The following KDM4C variants were observed in gnomAD, a reference collection of about 807,000 sequenced individuals.
KDM4C encodes the protein lysine-specific demethylase 4C.
Under a neutral mutation model 129.3 loss-of-function variants are expected in KDM4C, and 81 were observed. The observed-to-expected ratio is 0.63, with a 90% confidence interval of 0.52 to 0.75. The LOEUF (loss-of-function observed/expected upper bound fraction) is 0.75, where lower values mean the gene tolerates loss of function less well. Among genes scored for constraint, KDM4C ranks in the 30% least tolerant of loss-of-function variants. The pLI, the probability that KDM4C is intolerant of heterozygous loss-of-function variation, is 0.00. For synonymous variants in KDM4C, 573 were observed against 456.1 expected (o/e 1.26, Z -3.26); for missense variants, 1,457 against 1,304.0 (o/e 1.12, Z -1.81).
In KDM4C at chr9:7,122,284, CTT is replaced by C. The variant is rs1554751918; in HGVS notation, c.2611-5781_2611-5780del. 2.0e-5 allele frequency among the ~76,000 whole-genome samples: 3 copies of C among 151,784 alleles called. No individual in the cohort carries two copies. In the East Asian group the frequency reaches 5.8e-4, roughly 29 times the overall value. ...ACACACACTCTCTCTCTCTCTCTCTCTTAAACAGCCAGATCCTGTGAGAACTC... is the reference window on the plus strand; with the variant it reads ...ACACACACTCTCTCTCTCTCTCTCTCAAACAGCCAGATCCTGTGAGAACTC... On this transcript the variant is annotated intron_variant, in intron 18 of 21. Coordinates refer to ENST00000381309, the MANE Select transcript of KDM4C (RefSeq NM_015061.6).
At chr9:6,815,507 G>T (rs1205488179) in intron 4 of KDM4C, among the ~76,000 whole-genome samples, 4 of 152,016 alleles carry the variant, frequency 2.6e-5, no homozygotes, top group Admixed American at 6.6e-5. Context: ...GAACCACCAG[G>T]CCTGGCCCAT....
chr9:7,129,444 A>G (rs1361715430), intron 19 of KDM4C, among the ~76,000 whole-genome samples: 1 of 152,214 alleles, frequency 6.6e-6, no homozygotes, highest in East Asian at 1.9e-4. Context: ...CCAGGGTTCT[A>G]GCTGGAGTTT....
chr9:7,073,743 C>G (rs1399762086), intron 17 of KDM4C, among the ~76,000 whole-genome samples: 1 of 152,158 alleles, frequency 6.6e-6, no homozygotes, highest in Non-Finnish European at 1.5e-5. Flanking sequence ...TAAGTTTGAA[C>G]ATATCCTCAC....
intron 4 of KDM4C, among the ~76,000 whole-genome samples, chr9:6,842,972 C>G (rs1346378233): frequency 6.6e-6 from 1 of 152,116 alleles, no homozygotes; most frequent in South Asian, 2.1e-4. Flanking sequence ...CTCTGTTGCC[C>G]GGGCTGGAGT....
At chr9:6,969,999 T>G (rs1012850094) in intron 8 of KDM4C, among the ~76,000 whole-genome samples, 1 of 152,232 alleles carries the variant, frequency 6.6e-6, no homozygotes, top group Non-Finnish European at 1.5e-5. Flanking sequence ...TTGGTGTTGC[T>G]TGGGCCATGT....
At chr9:6,945,609 T>C (rs1053314966) in intron 8 of KDM4C, among the ~76,000 whole-genome samples, 1 of 152,186 alleles carries the variant, frequency 6.6e-6, no homozygotes, top group African/African-American at 2.4e-5. Flanking sequence ...TTTATCAAAA[T>C]AGATGGAATT....
At chr9:6,890,795 C>T (rs1413024169) in intron 7 of KDM4C, among the ~76,000 whole-genome samples, 2 of 152,080 alleles carry the variant, frequency 1.3e-5, no homozygotes, top group African/African-American at 2.4e-5. Flanking sequence ...TGTTTCATTA[C>T]GTAGGATAAG....
intron 6 of KDM4C, among the ~76,000 whole-genome samples, chr9:6,885,507 A>T (rs1845112608): frequency 6.6e-6 from 1 of 152,274 alleles, no homozygotes; most frequent in African/African-American, 2.4e-5. Context: ...TCTCTGGAAT[A>T]CAAGCTTTTT....
At chr9:7,094,305 C>T (rs1383577340) in intron 17 of KDM4C, among the ~76,000 whole-genome samples, 2 of 151,924 alleles carry the variant, frequency 1.3e-5, no homozygotes, top group East Asian at 1.9e-4. Context: ...TTTGTCCATT[C>T]CTTAAGTTGG....
In KDM4C at chr9:6,758,662, A is replaced by T. The variant is rs1378011111; in HGVS notation, c.-18+459A>T. On this transcript the variant is annotated intron_variant, in intron 1 of 21. Coordinates refer to ENST00000381309, the MANE Select transcript of KDM4C (RefSeq NM_015061.6). This position sits in a 1 kb window ranked among gnomAD's most constrained non-coding sequence, Gnocchi z 4.6. ...GAGGGTGGGAGCTCCTCTCCTGACC[A>T]CCCGTTGCAGGCAGTCATCCCGTCA... Among the ~76,000 whole-genome samples the T allele has an allele frequency of 1.3e-5, 2 of 152,010 alleles. No individual in the cohort carries two copies. Among genetic ancestry groups the T allele is most frequent in the African/African-American group, 4.8e-5 (2 of 41,360 alleles).
chr9:7,121,846 G>A (rs566618564), intron 18 of KDM4C, among the ~76,000 whole-genome samples: 1 of 151,356 alleles, frequency 6.6e-6, no homozygotes, highest in South Asian at 2.1e-4. Flanking sequence ...TTAGGCCACT[G>A]CTTGAATTCT....
chr9:6,755,227 T>C (rs755494128), upstream of KDM4C, among the ~76,000 whole-genome samples: 2 of 151,868 alleles, frequency 1.3e-5, no homozygotes, highest in Admixed American at 6.6e-5. Flanking sequence ...AAAAATTAGC[T>C]AGGTGTGGTA....
intron 18 of KDM4C, among the ~76,000 whole-genome samples, chr9:7,104,583 C>A (rs1837467804): frequency 6.7e-6 from 1 of 149,000 alleles, no homozygotes; most frequent in Admixed American, 6.8e-5. Flanking sequence ...TGAAATCTTT[C>A]CTGTGTTTTA....
chr9:6,894,974 A>C (rs969014145), intron 8 of KDM4C, among the ~76,000 whole-genome samples: 1 of 152,246 alleles, frequency 6.6e-6, no homozygotes, highest in African/African-American at 2.4e-5. Flanking sequence ...TCAGTTTAGT[A>C]AGGGCTATGA....
chr9:6,912,198 G>A (rs892416115), intron 8 of KDM4C, among the ~76,000 whole-genome samples: 1 of 152,124 alleles, frequency 6.6e-6, no homozygotes. Context: ...CTCCTTTCCT[G>A]CCATTCTATG....
chr9:6,735,991 G>T (rs1419488375), intron 1 of KDM4C, among the ~76,000 whole-genome samples: 1 of 152,176 alleles, frequency 6.6e-6, no homozygotes, highest in African/African-American at 2.4e-5. Context: ...TGGAAACGCG[G>T]AACTTGCTGG....
rs572651662 is a variant in KDM4C at position 6,829,788 on chromosome 9, G to C, written c.435+15043G>C. On this transcript the variant is annotated intron_variant, in intron 4 of 21. Coordinates refer to ENST00000381309, the MANE Select transcript of KDM4C (RefSeq NM_015061.6). ...CCCTGCAACCCAGCCTTGCCTGCAG[G>C]TTTACAGAAGGGCTTTGATAAGGTA... Among the ~76,000 whole-genome samples the C allele has an allele frequency of 2.0e-5, 3 of 152,330 alleles. No homozygotes were observed. In the East Asian group the frequency reaches 5.8e-4, roughly 29 times the overall value.
intron 7 of KDM4C, among the ~76,000 whole-genome samples, chr9:6,891,431 C>G (rs1171988254): frequency 6.6e-6 from 1 of 152,060 alleles, no homozygotes; most frequent in East Asian, 1.9e-4. Context: ...TTATATGATT[C>G]TATTAATATT....
At chr9:6,744,785 T>A (rs562588088) in intron 1 of KDM4C, among the ~76,000 whole-genome samples, 39 of 150,666 alleles carry the variant, frequency 2.6e-4, no homozygotes, top group African/African-American at 9.6e-4. Context: ...GCTCCAGGGT[T>A]GTGGGGAAGC....
Sources: gnomAD v4.1 joint callset for allele counts (sites outside exome capture counted in the v4.1 genomes callset) on GRCh38, gnomAD v4.1.1 for gene constraint, Gnocchi (gnomAD v3.1) non-coding constraint, MANE v1.5 for transcripts, NCBI Gene and HGNC (gene_info 2026-07-23, HGNC 2026-07-21) for gene names.